OPCML: variants seen among roughly 807,000 people sequenced by gnomAD.
The protein encoded by OPCML is opioid-binding protein/cell adhesion molecule.
Under a neutral mutation model 37.8 loss-of-function variants are expected in OPCML, and 13 were observed. That is an observed-to-expected ratio of 0.34 (90% CI 0.22 to 0.55). OPCML has a LOEUF of 0.55. OPCML is among the 20% of genes least tolerant of loss of function. The pLI, the probability that OPCML is intolerant of heterozygous loss-of-function variation, is 0.91. For synonymous variants in OPCML, 176 were observed against 168.8 expected (o/e 1.04, Z -0.33); for missense variants, 341 against 435.6 (o/e 0.78, Z 1.93).
intron 3 of OPCML, among the ~76,000 whole-genome samples, chr11:132,612,080 G>T (rs1938682210): frequency 6.6e-6 from 1 of 152,174 alleles, no homozygotes; most frequent in South Asian, 2.1e-4. Context: ...TAAGAGTATG[G>T]TAACCAGGTT....
Position 133,004,965 on chromosome 11 carries a change from A to G in OPCML, c.62-61955T>C, listed in dbSNP as rs183470149. On this transcript the variant is annotated intron_variant, in intron 1 of 7. Coordinates refer to ENST00000524381, the MANE Select transcript of OPCML (RefSeq NM_001012393.5). ...CCACTGCACCGAGCTAGTCTACATCATGGTCCTTCCCACCTGGACTGCTGC... is the reference window on the plus strand; with the variant it reads ...CCACTGCACCGAGCTAGTCTACATCGTGGTCCTTCCCACCTGGACTGCTGC... 3.1e-5 allele frequency: 31 copies of G among 985,120 alleles called. No individual in the cohort carries two copies. The Admixed American group carries it at 1.8e-3, about 59-fold the overall frequency. 61.0% of individuals were successfully genotyped at this position (985,120 alleles called of 1,614,324 possible).
intron 3 of OPCML, among the ~76,000 whole-genome samples, chr11:132,627,887 T>C (rs533388845): frequency 6.6e-6 from 1 of 152,118 alleles, no homozygotes; most frequent in African/African-American, 2.4e-5. Flanking sequence ...AAGACTAAGG[T>C]AGTGTTTTGA....
At chr11:132,659,797 G>T (rs1941875639) in intron 2 of OPCML, among the ~76,000 whole-genome samples, 1 of 152,030 alleles carries the variant, frequency 6.6e-6, no homozygotes, top group Non-Finnish European at 1.5e-5. Flanking sequence ...TCAAAATTCA[G>T]GAACTAACTC....
chr11:133,327,173 G>A (rs1458297933), intron 1 of OPCML, among the ~76,000 whole-genome samples: 1 of 149,418 alleles, frequency 6.7e-6, no homozygotes, highest in South Asian at 2.1e-4. Flanking sequence ...TGTGTAGTGT[G>A]TGTGGGATGT....
At chr11:133,262,044 A>G (rs575843190) in intron 1 of OPCML, among the ~76,000 whole-genome samples, 57 of 152,224 alleles carry the variant, frequency 3.7e-4, no homozygotes, top group Non-Finnish European at 6.2e-4. Flanking sequence ...CTTGGCCTGA[A>G]TTTTCTTTCT....
intron 7 of OPCML, among the ~76,000 whole-genome samples, chr11:132,433,005 C>A (rs2096002412): frequency 6.6e-6 from 1 of 152,150 alleles, no homozygotes; most frequent in Non-Finnish European, 1.5e-5. Flanking sequence ...TGGGGACTGG[C>A]CTGCTCAGAG....
rs202122510 is a variant in OPCML, at chr11:133,013,249, A to G, written c.62-70239T>C. Among the ~76,000 whole-genome samples the G allele has an allele frequency of 2.6e-4, 40 of 152,226 alleles. No individual in the cohort carries two copies. The East Asian group carries it at 7.7e-3, about 29-fold the overall frequency. Reference sequence around the variant, plus strand: ...TCCTGGATTTAAAAAACACAAGAACATTTTCTTTTTTTAACCTATGTCACT... The same window carrying G: ...TCCTGGATTTAAAAAACACAAGAACGTTTTCTTTTTTTAACCTATGTCACT... On this transcript the variant is annotated intron_variant, in intron 1 of 7. Transcript: ENST00000524381.
intron 1 of OPCML, among the ~76,000 whole-genome samples, chr11:133,246,985 C>T (rs1432251824): frequency 1.3e-5 from 2 of 151,902 alleles, no homozygotes; most frequent in Non-Finnish European, 2.9e-5. Flanking sequence ...GTGCCAGTAG[C>T]CGAAACATGA....
chr11:133,520,371 G>A (rs1422422568), intron 1 of OPCML, among the ~76,000 whole-genome samples: 2 of 152,054 alleles, frequency 1.3e-5, no homozygotes, highest in African/African-American at 4.8e-5. Context: ...TACAAGATGG[G>A]TATATGACTG....
At chr11:132,525,953 A>G (rs1414259704) in intron 4 of OPCML, 1 of 152,208 alleles carries the variant, frequency 6.6e-6, no homozygotes, top group African/African-American at 2.4e-5. Context: ...AATTAAGGAT[A>G]ACAAAGTTAA....
chr11:132,476,380 C>A (rs1184878200), intron 4 of OPCML, among the ~76,000 whole-genome samples: 1 of 152,012 alleles, frequency 6.6e-6, no homozygotes, highest in Non-Finnish European at 1.5e-5. Flanking sequence ...GCTATAAAGA[C>A]ACATGCACAC....
intron 4 of OPCML, among the ~76,000 whole-genome samples, chr11:132,448,970 A>C (rs1299871428): frequency 6.6e-6 from 1 of 152,212 alleles, no homozygotes; most frequent in Non-Finnish European, 1.5e-5. Context: ...TCTATGACTA[A>C]GGAACCCAAA....
At position 132,606,186 on chromosome 11, in the gene OPCML, A is replaced by G. The variant is rs571669157; in HGVS notation, c.379+50901T>C. 2.0e-3 allele frequency among the ~76,000 whole-genome samples: 301 copies of G among 152,276 alleles called. 2 individuals carry two copies. Among genetic ancestry groups the G allele is most frequent in the South Asian group, 6.2e-3 (30 of 4,816 alleles). On this transcript the variant is annotated intron_variant, in intron 3 of 7. Transcript: ENST00000524381. ...TAAAAGTTAATGCCTTTATTTATTCATCTACTTTTATGGATCTATTGTGCC... is the reference window on the plus strand; with the variant it reads ...TAAAAGTTAATGCCTTTATTTATTCGTCTACTTTTATGGATCTATTGTGCC...
At chr11:132,599,671 G>T (rs1245762444) in intron 3 of OPCML, among the ~76,000 whole-genome samples, 1 of 152,134 alleles carries the variant, frequency 6.6e-6, no homozygotes, top group Non-Finnish European at 1.5e-5. Context: ...GTATATACAG[G>T]AGTCTATAGT....
At chr11:132,655,092 T>C (rs944223965) in intron 3 of OPCML, among the ~76,000 whole-genome samples, 1 of 152,208 alleles carries the variant, frequency 6.6e-6, no homozygotes, top group African/African-American at 2.4e-5. Context: ...CCCCAGCCCA[T>C]TATGTTGTGC....
intron 1 of OPCML, chr11:133,005,463 C>G: frequency 1.0e-5 from 10 of 985,370 alleles, no homozygotes; most frequent in Non-Finnish European, 1.2e-5. Flanking sequence ...CTCTTAGGTA[C>G]TAGTTTTTCT....
intron 1 of OPCML, among the ~76,000 whole-genome samples, chr11:133,397,823 A>C (rs988930090): frequency 1.3e-5 from 2 of 152,242 alleles, no homozygotes; most frequent in Non-Finnish European, 2.9e-5. Context: ...CATTTTTATA[A>C]AGGATACAGA....
intron 1 of OPCML, among the ~76,000 whole-genome samples, chr11:133,169,416 T>G (rs1171876599): frequency 6.6e-6 from 1 of 152,188 alleles, no homozygotes; most frequent in African/African-American, 2.4e-5. Flanking sequence ...CAAAACTAAA[T>G]GATTATTAGG....
intron 1 of OPCML, among the ~76,000 whole-genome samples, chr11:133,442,553 G>C (rs1946384221): frequency 6.6e-6 from 1 of 152,032 alleles, no homozygotes; most frequent in Admixed American, 6.6e-5. Context: ...CAGTAAATAG[G>C]CTTCCAGTGA....
Sources: allele counts gnomAD v4.1 joint callset (sites outside exome capture counted in the v4.1 genomes callset), GRCh38; gene constraint gnomAD v4.1.1; transcripts MANE v1.5; gene names NCBI Gene and HGNC (gene_info 2026-07-23, HGNC 2026-07-21).